Variants in BPTF observed in about 807,000 individuals in gnomAD.
BPTF encodes bromodomain PHD finger transcription factor.
BPTF carries 18 observed loss-of-function variants against 292.5 expected under a neutral mutation model. That is an observed-to-expected ratio of 0.06 (90% CI 0.04 to 0.09). The LOEUF is 0.09. Ranked by LOEUF, BPTF falls within the 10% of genes least tolerant of loss-of-function variation. BPTF has a pLI of 1.00. For synonymous variants in BPTF, 1,225 were observed against 1,251.9 expected, an observed-to-expected ratio of 0.98 and a Z score of 0.45; for missense variants, 2,726 against 3,498.7, an observed-to-expected ratio of 0.78 and a Z score of 5.57.
At chr17:67,903,105 C>T (rs2061958973) in intron 7 of BPTF, among the ~76,000 whole-genome samples, 1 of 152,248 alleles carries the variant, frequency 6.6e-6, no homozygotes. Flanking sequence ...GCCGACCTTC[C>T]TCATCCTTCC....
intron 1 of BPTF, among the ~76,000 whole-genome samples, chr17:67,851,845 T>C (rs2058428091): frequency 6.6e-6 from 1 of 152,130 alleles, no homozygotes; most frequent in Non-Finnish European, 1.5e-5. Context: ...TTTTTTTCCA[T>C]TGAGGAGTCT....
intron 1 of BPTF, among the ~76,000 whole-genome samples, chr17:67,835,729 G>A (rs1229385930): frequency 1.1e-4 from 16 of 151,024 alleles, no homozygotes; most frequent in South Asian, 4.2e-4. Flanking sequence ...GCGGTGGCGC[G>A]ATTTCGGCTC....
At chr17:67,886,265 G>C in intron 4 of BPTF, 1 of 1,613,952 alleles carries the variant, frequency 6.2e-7, no homozygotes. Context: ...TGATGATCCT[G>C]AAAATGGAGA....
Position 67,928,620 on chromosome 17 carries a change from G to T in BPTF, c.5998+19G>T. 3 of 1,575,502 alleles carry T rather than the reference G, an allele frequency of 1.9e-6. No homozygotes were observed. Among genetic ancestry groups the T allele is most frequent in the Non-Finnish European group, 2.6e-6 (3 of 1,158,036 alleles). On this transcript the variant is annotated intron_variant, in intron 16 of 27. Coordinates refer to ENST00000306378, the MANE Select transcript of BPTF (RefSeq NM_182641.4). ...AATTCAGGTATGGAACTATCATTAA[G>T]TAAAAGATTACTTTGGTTCAGGAAA...
chr17:67,828,575 C>T (rs2056338869), intron 1 of BPTF, among the ~76,000 whole-genome samples: 1 of 152,200 alleles, frequency 6.6e-6, no homozygotes, highest in Admixed American at 6.5e-5. Flanking sequence ...GCTGCCCAGG[C>T]TGGAGTGCAA....
intron 1 of BPTF, among the ~76,000 whole-genome samples, chr17:67,838,439 C>A (rs1017411660): frequency 6.6e-6 from 1 of 151,506 alleles, no homozygotes; most frequent in Non-Finnish European, 1.5e-5. Flanking sequence ...ATTTTGGTTC[C>A]TCTCATTAGT....
At chr17:67,871,577 C>G (rs937714254) in intron 3 of BPTF, among the ~76,000 whole-genome samples, 8 of 151,500 alleles carry the variant, frequency 5.3e-5, no homozygotes, top group Admixed American at 4.6e-4. Flanking sequence ...TTATGAAATG[C>G]TTTATTTTGC....
At chr17:67,879,456 CT>C (rs2060255418) in intron 4 of BPTF, among the ~76,000 whole-genome samples, 1 of 152,084 alleles carries the variant, frequency 6.6e-6, no homozygotes. Context: ...GGTGTTATTT[CT>C]TAAATGTTTG....
intron 7 of BPTF, among the ~76,000 whole-genome samples, chr17:67,897,383 G>C (rs1282604727): frequency 7.5e-6 from 1 of 132,876 alleles, no homozygotes; most frequent in Non-Finnish European, 1.6e-5. Context: ...TAAAGAAAGA[G>C]ACATACTAAC....
intron 25 of BPTF, 151 bp downstream of exon 25, chr17:67,964,555 C>A: frequency 1.1e-6 from 1 of 881,352 alleles, no homozygotes; most frequent in Non-Finnish European, 1.7e-6. Flanking sequence ...CAGTCCTTCA[C>A]GTACCAGTGC....
At position 67,912,500 on chromosome 17, in the gene BPTF, C is replaced by T; in HGVS notation, c.4616C>T (p.Ser1539Leu). 1 of 1,613,926 alleles carries T rather than the reference C, an allele frequency of 6.2e-7. No homozygotes were observed. Among genetic ancestry groups the T allele is most frequent in the Non-Finnish European group, 8.5e-7 (1 of 1,179,938 alleles). Residue 1539 changes from serine (S) to leucine (L), a missense_variant, in exon 11 of 28, where the codon TCA becomes TTA. Physicochemically the swap from Ser to Leu is moderately radical, Grantham distance 145. Coordinates refer to ENST00000306378, the MANE Select transcript of BPTF (RefSeq NM_182641.4). ...NQVEDMEIET[S>L]EVKKVTSSPI... Reference sequence around the variant, plus strand: ...GTAGAAGATATGGAAATAGAAACCTCAGAAGTTAAGAAAGTTACTTCATCA... The same window carrying T: ...GTAGAAGATATGGAAATAGAAACCTTAGAAGTTAAGAAAGTTACTTCATCA...
intron 26 of BPTF, among the ~76,000 whole-genome samples, chr17:67,968,754 C>G (rs1264917314): frequency 6.7e-6 from 1 of 149,064 alleles, no homozygotes; most frequent in African/African-American, 2.5e-5. Flanking sequence ...TGCCACTGCG[C>G]TCTAGCCTGG....
chr17:67,840,223 G>C (rs2057442438), intron 1 of BPTF, among the ~76,000 whole-genome samples: 1 of 151,246 alleles, frequency 6.6e-6, no homozygotes, highest in Non-Finnish European at 1.5e-5. Flanking sequence ...CCACCTCTCA[G>C]CTTCCCCAGT....
intron 26 of BPTF, among the ~76,000 whole-genome samples, chr17:67,971,667 G>A (rs1555691014): frequency 1.3e-5 from 2 of 151,802 alleles, no homozygotes; most frequent in Non-Finnish European, 1.5e-5. Context: ...AGTCGGGCAT[G>A]GTGGTGTGTG....
intron 27 of BPTF, 134 bp downstream of exon 27, chr17:67,976,092 C>A (rs2069375513): frequency 6.0e-6 from 4 of 669,660 alleles, no homozygotes; most frequent in South Asian, 6.3e-5. Flanking sequence ...ATAAATAAAT[C>A]AAGACTCCAG....
rs1179641075 is a variant in BPTF at position 67,948,164 on chromosome 17, G to A, written c.7784G>A (p.Arg2595His). The change falls in exon 23 of 28, where the codon CGT (arginine) becomes CAT (histidine). Residue 2595 changes from arginine to histidine, a missense_variant. Transcript: ENST00000306378. ...AAACAGGCAGCAAAAAAACGGAAGC[G>A]TGAAGAGAGTGTGGAGCAGAAACGT... The part of the protein sequence containing the change: ...EEKQAAKKRK[R>H]EESVEQKRSK... The A allele has an allele frequency of 1.1e-5, 17 of 1,614,074 alleles. No homozygotes were observed. The highest frequency in any genetic ancestry group is 4.0e-5 in the African/African-American group (3 of 74,928).
At chr17:67,877,715 G>A (rs1434659188) in intron 4 of BPTF, among the ~76,000 whole-genome samples, 1 of 152,060 alleles carries the variant, frequency 6.6e-6, no homozygotes, top group African/African-American at 2.4e-5. Flanking sequence ...ACCTCCCAGG[G>A]TCAAGTGATC....
chr17:67,976,301 C>T (rs1233785298), intron 27 of BPTF, among the ~76,000 whole-genome samples: 26 of 152,158 alleles, frequency 1.7e-4, no homozygotes, highest in African/African-American at 5.6e-4. Flanking sequence ...GGGGAAACCC[C>T]GTCTCTACCA....
At chr17:67,963,547 G>A in intron 24 of BPTF, 2 of 1,357,216 alleles carry the variant, frequency 1.5e-6, no homozygotes, top group Non-Finnish European at 1.9e-6. Flanking sequence ...AATTTAGGAA[G>A]CCAAATTGCT....
Sources: allele counts gnomAD v4.1 joint callset (sites outside exome capture counted in the v4.1 genomes callset), GRCh38; gene constraint gnomAD v4.1.1; transcripts MANE v1.5; gene names NCBI Gene and HGNC (gene_info 2026-07-23, HGNC 2026-07-21).